HEY2: variants seen among roughly 807,000 people sequenced by gnomAD.
The protein encoded by HEY2 is hairy/enhancer-of-split related with YRPW motif protein 2.
Under a neutral mutation model 18.1 loss-of-function variants are expected in HEY2, and 10 were observed. The ratio of observed to expected loss-of-function variants is 0.55; its 90% confidence interval spans 0.34 to 0.94. The LOEUF (loss-of-function observed/expected upper bound fraction) is 0.94, where lower values mean the gene tolerates loss of function less well. HEY2 is among the 40% of genes least tolerant of loss of function. HEY2 has a pLI of 0.02. For missense variants in HEY2, 455 were observed against 455.9 expected, an observed-to-expected ratio of 1.00 and a Z score of 0.02; for synonymous variants, 210 against 182.7, an observed-to-expected ratio of 1.15 and a Z score of -1.21.
chr6:125,750,159 G>A (rs1163490328), intron 1 of HEY2: 8 of 776,948 alleles, frequency 1.0e-5, no homozygotes, highest in South Asian at 5.8e-5. Context: ...GAACGGCAGC[G>A]TCTGGGCGAC....
At chr6:125,758,479 TTA>T (rs1491274264) in intron 4 of HEY2, among the ~76,000 whole-genome samples, 1 of 152,250 alleles carries the variant, frequency 6.6e-6, no homozygotes, top group Non-Finnish European at 1.5e-5. Context: ...CAAATTTTTT[TTA>T]AAAACTCATT....
At chr6:125,755,978 C>G (rs1012617422) in intron 4 of HEY2, among the ~76,000 whole-genome samples, 4 of 152,152 alleles carry the variant, frequency 2.6e-5, no homozygotes, top group Non-Finnish European at 5.9e-5. Context: ...ATTAGTCATG[C>G]TACAAGAAAA....
In HEY2 at chr6:125,760,582, T is replaced by G. The variant is rs894658858; in HGVS notation, c.*780T>G. The G allele has an allele frequency of 6.6e-6, 1 of 152,186 alleles. No homozygotes were observed. The highest frequency in any genetic ancestry group is 1.5e-5 in the Non-Finnish European group (1 of 68,034). The allele number at this position is 152,186 out of a possible 1,614,324, so 9.4% of individuals were successfully genotyped here. ...GGATGGCTCAAAATATGGTGCTGCT[T>G]TATATAAACCTTACATTTATATAGT... On this transcript the variant is annotated 3_prime_UTR_variant, in exon 5 of 5. Coordinates refer to ENST00000368364, the MANE Select transcript of HEY2 (RefSeq NM_012259.3).
intron 3 of HEY2, among the ~76,000 whole-genome samples, chr6:125,752,536 AATG>A (rs1304437839): frequency 6.6e-6 from 1 of 152,070 alleles, no homozygotes; most frequent in Non-Finnish European, 1.5e-5. Flanking sequence ...CTATTTCCTA[AATG>A]ATAATACCAC....
chr6:125,757,554 A>G (rs974529542), intron 4 of HEY2, among the ~76,000 whole-genome samples: 1 of 152,226 alleles, frequency 6.6e-6, no homozygotes, highest in Non-Finnish European at 1.5e-5. Flanking sequence ...ACTATCTCCA[A>G]AGTTCTTTGA....
At position 125,760,050 on chromosome 6, in the gene HEY2, A is replaced by G. The variant is rs1374076107; in HGVS notation, c.*248A>G. ...TTTTGAAAACTTCACACTTGTTACCATTTAGAAGTTTCCTGGAAAATATAT... is the reference window on the plus strand; with the variant it reads ...TTTTGAAAACTTCACACTTGTTACCGTTTAGAAGTTTCCTGGAAAATATAT... On this transcript the variant is annotated 3_prime_UTR_variant, in exon 5 of 5. Transcript: ENST00000368364. 5.6e-6 allele frequency: 3 copies of G among 533,374 alleles called. No individual in the cohort carries two copies. In the East Asian group the frequency reaches 1.0e-4, roughly 18 times the overall value. The allele number at this position is 533,374 out of a possible 1,614,324, so 33.0% of individuals were successfully genotyped here. A position where few individuals can be genotyped will look rare whatever the true frequency, so the allele number is the denominator to read the frequency against.
Position 125,749,700 on chromosome 6 carries a change from G to C in HEY2, c.-77G>C. 1 of 1,091,320 alleles carries C rather than the reference G, an allele frequency of 9.2e-7. No individual in the cohort carries two copies. The highest frequency in any genetic ancestry group is 2.8e-4 in the Middle Eastern group (1 of 3,604). The allele number at this position is 1,091,320 out of a possible 1,614,324, so 67.6% of individuals were successfully genotyped here. A position where few individuals can be genotyped will look rare whatever the true frequency, so the allele number is the denominator to read the frequency against. ...CCTGCCCAGGCCCGGGGAGGGAGGA[G>C]GCGGGCGTCAGGGTGCTGCGCCCCG... On this transcript the variant is annotated 5_prime_UTR_variant, in exon 1 of 5. Coordinates refer to ENST00000368364, the MANE Select transcript of HEY2 (RefSeq NM_012259.3).
chr6:125,758,642 C>G (rs1403110524), intron 4 of HEY2, among the ~76,000 whole-genome samples: 1 of 152,352 alleles, frequency 6.6e-6, no homozygotes, highest in East Asian at 1.9e-4. Flanking sequence ...CTTGGCATCT[C>G]TGTTAAAATG....
chr6:125,749,648 G>A lies in HEY2; in HGVS notation c.-129G>A. 3.7e-6 allele frequency: 2 copies of A among 541,098 alleles called. No homozygotes were observed. Among genetic ancestry groups the A allele is most frequent in the East Asian group, 3.5e-5 (1 of 28,246 alleles). 33.5% of individuals were successfully genotyped at this position (541,098 alleles called of 1,614,324 possible). ...GCGGCGTGGGAAAGAGCCGCTAGGA[G>A]CAGACCGCGCCGCCGCCGGAGCCGC... On this transcript the variant is annotated 5_prime_UTR_variant, in exon 1 of 5. Coordinates refer to ENST00000368364, the MANE Select transcript of HEY2 (RefSeq NM_012259.3).
chr6:125,759,842 C>T lies in HEY2; in HGVS notation c.*40C>T, dbSNP rs757765112. The T allele has an allele frequency of 5.2e-6, 8 of 1,547,312 alleles. No homozygotes were observed. The East Asian group carries it at 9.0e-5, about 17-fold the overall frequency. On this transcript the variant is annotated 3_prime_UTR_variant, in exon 5 of 5. Coordinates refer to ENST00000368364, the MANE Select transcript of HEY2 (RefSeq NM_012259.3). ...TCTTGCAATAGTAACTGAATGTCCT[C>T]CATTTCAGAGTCAGCTTAAAACCTC...
In HEY2 at chr6:125,759,213, G is replaced by C. The variant is rs368828303; in HGVS notation, c.425G>C (p.Gly142Ala). 3 of 1,612,980 alleles carry C rather than the reference G, an allele frequency of 1.9e-6. No individual in the cohort carries two copies. The highest frequency in any genetic ancestry group is 2.5e-6 in the Non-Finnish European group (3 of 1,180,022). The part of the protein sequence containing the change: ...EVARYLSSVE[G>A]LDSSDPLRVR... ...GCGCGGTACCTGAGCTCCGTGGAAG[G>C]CCTGGACTCCTCGGATCCGCTGCGG... is the stretch of plus-strand genomic sequence containing the variant. Residue 142 changes from glycine to alanine, a missense_variant, in exon 5 of 5, where the codon GGC becomes GCC. Physicochemically the swap from Gly to Ala is moderately conservative, Grantham distance 60. Coordinates refer to ENST00000368364, the MANE Select transcript of HEY2 (RefSeq NM_012259.3).
At chr6:125,757,890 C>T (rs1583190709) in intron 4 of HEY2, among the ~76,000 whole-genome samples, 2 of 152,306 alleles carry the variant, frequency 1.3e-5, no homozygotes, top group South Asian at 2.1e-4. Flanking sequence ...ATGGAGCCTG[C>T]AGTGAGCTGT....
Position 125,760,926 on chromosome 6 carries a change from A to T in HEY2, c.*1124A>T, listed in dbSNP as rs923512121. 1.3e-5 allele frequency: 2 copies of T among 152,644 alleles called. No homozygotes were observed. Among genetic ancestry groups the T allele is most frequent in the African/African-American group, 4.8e-5 (2 of 41,456 alleles). The allele number at this position is 152,644 out of a possible 1,614,324, so 9.5% of individuals were successfully genotyped here. On this transcript the variant is annotated 3_prime_UTR_variant, in exon 5 of 5. Transcript: ENST00000368364. ...GATGAATGTATGCAATGGGATGTAC[A>T]TAAGTTATTTTTGCCCATGCCTAAA...
chr6:125,758,392 G>A (rs890399601), intron 4 of HEY2, among the ~76,000 whole-genome samples: 25 of 152,118 alleles, frequency 1.6e-4, no homozygotes, highest in Non-Finnish European at 3.2e-4. Context: ...TAAACTAGGC[G>A]TTGACATATA....
intron 1 of HEY2, among the ~76,000 whole-genome samples, chr6:125,750,534 T>C (rs893259714): frequency 6.6e-6 from 1 of 152,206 alleles, no homozygotes; most frequent in Non-Finnish European, 1.5e-5. Flanking sequence ...CAAATGATAA[T>C]TGCTTCTAAT....
intron 4 of HEY2, among the ~76,000 whole-genome samples, chr6:125,757,999 T>C (rs189615052): frequency 2.6e-4 from 40 of 152,350 alleles, no homozygotes; most frequent in Admixed American, 2.0e-3. Context: ...ATATTTCTTA[T>C]TCATGTATAT....
chr6:125,755,201 G>GTGTC (rs1773631403), intron 4 of HEY2, among the ~76,000 whole-genome samples: 1 of 152,084 alleles, frequency 6.6e-6, no homozygotes, highest in Non-Finnish European at 1.5e-5. Flanking sequence ...CCCTAGAGAG[G>GTGTC]TGTCCTCTGT....
In HEY2 at chr6:125,759,729, G is replaced by T. The variant is rs146642153; in HGVS notation, c.941G>T (p.Ser314Ile). The T allele has an allele frequency of 6.8e-6, 11 of 1,613,682 alleles. No homozygotes were observed. Among genetic ancestry groups the T allele is most frequent in the Admixed American group, 6.7e-5 (4 of 60,028 alleles). ...SPPLSVSATS[S>I]PQQTSSGTNN... ...CCCTTGTCAGTATCAGCCACGTCCA[G>T]TCCTCAGCAGACCAGCAGTGGAACA... The change falls in exon 5 of 5, where the codon AGT becomes ATT. Residue 314 changes from serine (S) to isoleucine (I), a missense_variant. Coordinates refer to ENST00000368364, the MANE Select transcript of HEY2 (RefSeq NM_012259.3).
Position 125,759,727 on chromosome 6 carries a change from C to G in HEY2, c.939C>G (p.Ser313=). The G allele has an allele frequency of 6.2e-7, 1 of 1,613,706 alleles. No homozygotes were observed. The highest frequency in any genetic ancestry group is 1.3e-5 in the African/African-American group (1 of 75,058). The change falls in exon 5 of 5, where the codon TCC becomes TCG. Residue 313 remains serine, a synonymous_variant. Transcript: ENST00000368364. The stretch of plus-strand genomic sequence containing the variant: ...CGCCCTTGTCAGTATCAGCCACGTC[C>G]AGTCCTCAGCAGACCAGCAGTGGAA... The part of the protein sequence containing the change: ...ISPPLSVSAT[S]SPQQTSSGTN...
Sources: allele counts gnomAD v4.1 joint callset (sites outside exome capture counted in the v4.1 genomes callset), GRCh38; gene constraint gnomAD v4.1.1; transcripts MANE v1.5; gene names NCBI Gene and HGNC (gene_info 2026-07-23, HGNC 2026-07-21).